Variants in TBX1 observed in about 807,000 individuals in gnomAD.
TBX1 encodes T-box transcription factor 1, also known as T-box transcription factor TBX1.
Under a neutral mutation model 40.8 loss-of-function variants are expected in TBX1, and 16 were observed. That is an observed-to-expected ratio of 0.39 (90% CI 0.27 to 0.60). The LOEUF (loss-of-function observed/expected upper bound fraction) is 0.60, where lower values mean the gene tolerates loss of function less well. Among genes scored for constraint, TBX1 ranks in the 20% least tolerant of loss-of-function variants. The pLI, the probability that TBX1 is intolerant of heterozygous loss-of-function variation, is 0.51. For missense variants in TBX1, 755 were observed against 728.5 expected (o/e 1.04, Z -0.42); for synonymous variants, 403 against 336.8 (o/e 1.20, Z -2.15).
chr22:19,761,227 G>A lies in TBX1; in HGVS notation c.384G>A (p.Leu128=), dbSNP rs762071043. ...GCGTGCAGCTAGAGATGAAGGCGCT[G>A]TGGGACGAGTTCAACCAGCTGGGCA... is the stretch of plus-strand genomic sequence containing the variant. ...GVSVQLEMKA[L]WDEFNQLGTE... Residue 128 remains leucine (L), a synonymous_variant, in exon 1 of 7, where the codon CTG becomes CTA. Transcript: ENST00000649276. The A allele has an allele frequency of 6.4e-7, 1 of 1,572,468 alleles. No individual in the cohort carries two copies. Among genetic ancestry groups the A allele is most frequent in the South Asian group, 1.1e-5 (1 of 88,486 alleles).
chr22:19,782,722 A>G (rs28570330), downstream of TBX1, among the ~76,000 whole-genome samples: 23 of 152,214 alleles, frequency 1.5e-4, no homozygotes, highest in African/African-American at 4.6e-4. Context: ...CTTCCCACCT[A>G]CTGATGGTGT....
chr22:19,765,332 G>T (rs1936796018), intron 4 of TBX1, among the ~76,000 whole-genome samples: 1 of 152,130 alleles, frequency 6.6e-6, no homozygotes, highest in Non-Finnish European at 1.5e-5. Flanking sequence ...CCTCTCCAGC[G>T]GCAACTGTCA....
intron 6 of TBX1, 68 bp downstream of exon 6, chr22:19,766,070 C>G (rs1477774258): frequency 1.5e-6 from 2 of 1,296,418 alleles, no homozygotes; most frequent in Non-Finnish European, 2.0e-6. Flanking sequence ...GGCGGCCTCG[C>G]CCGACCTCGC....
downstream of TBX1, chr22:19,783,085 C>T: frequency 2.5e-6 from 2 of 784,756 alleles, no homozygotes; most frequent in East Asian, 2.4e-5. Context: ...GCTCCAAGCA[C>T]CTGAGTGAAG....
chr22:19,762,419 G>C (rs528122727), intron 1 of TBX1, among the ~76,000 whole-genome samples: 1 of 152,216 alleles, frequency 6.6e-6, no homozygotes, highest in Non-Finnish European at 1.5e-5. Flanking sequence ...CAATCCTTGT[G>C]TTGTCCTGAA....
intron 8 of TBX1, among the ~76,000 whole-genome samples, chr22:19,778,935 A>T (rs558648410): frequency 2.0e-4 from 30 of 152,182 alleles, no homozygotes; most frequent in South Asian, 2.1e-4. Flanking sequence ...AAAATAAATA[A>T]AAGTAGGTAA....
exon 9 of TBX1, chr22:19,779,308 T>C (rs753388756): frequency 6.2e-7 from 1 of 1,614,218 alleles, no homozygotes; most frequent in South Asian, 1.1e-5. Flanking sequence ...GGGATGCAGG[T>C]GGCTGTGTGA....
At chr22:19,769,161 A>G (rs936021905), downstream of TBX1, among the ~76,000 whole-genome samples, 8 of 151,908 alleles carry the variant, frequency 5.3e-5, no homozygotes, top group Admixed American at 1.3e-4. Flanking sequence ...GGGTTTCACC[A>G]TGTTGGCCAG....
At chr22:19,777,473 G>C (rs1198307509) in intron 8 of TBX1, among the ~76,000 whole-genome samples, 2 of 152,116 alleles carry the variant, frequency 1.3e-5, no homozygotes, top group East Asian at 1.9e-4. Flanking sequence ...TTGGACATTT[G>C]GGTTGGTTCC....
At position 19,766,408 on chromosome 22, in the gene TBX1, A is replaced by G; in HGVS notation, c.1056A>G (p.Arg352=). The change falls in exon 7 of 7, where the codon CGA becomes CGG. Residue 352 remains arginine, a synonymous_variant. Coordinates refer to ENST00000649276, the MANE Select transcript of TBX1 (RefSeq NM_001379200.1). ...GTEKDAAEAR[R]EFQRDAGGPA... ...CCGCAGACGCGGCTGAGGCCCGGCG[A>G]GAATTCCAGCGCGACGCGGGCGGGC... is the stretch of plus-strand genomic sequence containing the variant. 1 of 1,342,994 alleles carries G rather than the reference A, an allele frequency of 7.4e-7. No homozygotes were observed. Among genetic ancestry groups the G allele is most frequent in the Non-Finnish European group, 9.6e-7 (1 of 1,046,128 alleles). The allele number at this position is 1,342,994 out of a possible 1,614,324, so 83.2% of individuals were successfully genotyped here.
downstream of TBX1, among the ~76,000 whole-genome samples, chr22:19,772,318 C>G (rs947115769): frequency 4.0e-5 from 6 of 150,124 alleles, no homozygotes; most frequent in African/African-American, 1.2e-4. Context: ...GCCTTTTTTT[C>G]TTTTTGAGAC....
chr22:19,764,251 C>T lies in TBX1; in HGVS notation c.636C>T (p.Gly212=), dbSNP rs779173153. 94 of 1,613,312 alleles carry T rather than the reference C, an allele frequency of 5.8e-5. No homozygotes were observed. The highest frequency in any genetic ancestry group is 4.9e-4 in the Middle Eastern group (3 of 6,084). ...VHYHPDSPAK[G]AQWMKQIVSF... is the part of the protein sequence containing the mutation. ...ACCACCCGGACTCGCCTGCCAAGGGCGCGCAGTGGATGAAGCAAATCGTGT... is the reference window on the plus strand; with the variant it reads ...ACCACCCGGACTCGCCTGCCAAGGGTGCGCAGTGGATGAAGCAAATCGTGT... Residue 212 remains glycine (G), a synonymous_variant, in exon 3 of 7, where the codon GGC becomes GGT. Coordinates refer to ENST00000649276, the MANE Select transcript of TBX1 (RefSeq NM_001379200.1).
rs770305746 is a variant in TBX1 at position 19,765,042 on chromosome 22, G to A, written c.796G>A (p.Glu266Lys). 6 of 1,614,080 alleles carry A rather than the reference G, an allele frequency of 3.7e-6. No homozygotes were observed. In the Admixed American group the frequency reaches 5.0e-5, roughly 13 times the overall value. ...ACGCAAAGATAGCGAGAAATATGCC[G>A]AGGAGAACTTCAAAACCTTTGTGTT... ...DPRKDSEKYAEENFKTFVFEE... is the reference protein window; with the variant it reads ...DPRKDSEKYAKENFKTFVFEE... Residue 266 changes from glutamate (E) to lysine (K), a missense_variant, in exon 4 of 7, where the codon GAG becomes AAG. Glu to Lys is a moderately conservative substitution (Grantham distance 56, BLOSUM62 1). Coordinates refer to ENST00000649276, the MANE Select transcript of TBX1 (RefSeq NM_001379200.1).
At chr22:19,782,797 ACTC>A (rs1249769973), downstream of TBX1, 10 of 1,582,174 alleles carry the variant, frequency 6.3e-6, no homozygotes, top group Non-Finnish European at 8.6e-6. Context: ...GTCTGTGTTC[ACTC>A]TTTCTTGCTA....
chr22:19,778,557 C>T (rs1375829245), intron 8 of TBX1, among the ~76,000 whole-genome samples: 1 of 151,790 alleles, frequency 6.6e-6, no homozygotes, highest in Non-Finnish European at 1.5e-5. Context: ...GCCTCAGCCT[C>T]CCAAATAGCT....
At chr22:19,763,755 C>T (rs41298822) in intron 2 of TBX1, 139 of 393,196 alleles carry the variant, frequency 3.5e-4, no homozygotes, top group African/African-American at 2.5e-3. Context: ...TTATGCAGGG[C>T]GGGCCTCAGC....
At chr22:19,776,529 C>T (rs767273613) in intron 8 of TBX1, among the ~76,000 whole-genome samples, 18 of 152,020 alleles carry the variant, frequency 1.2e-4, no homozygotes, top group Non-Finnish European at 2.1e-4. Flanking sequence ...CAGGGGACCT[C>T]GGGCCACCCC....
chr22:19,774,444 A>G (rs1404175049), intron 8 of TBX1, among the ~76,000 whole-genome samples: 1 of 152,244 alleles, frequency 6.6e-6, no homozygotes, highest in Non-Finnish European at 1.5e-5. Flanking sequence ...ATAGAACCGT[A>G]TGTTCCAGGA....
At chr22:19,780,776 G>GGTTTTTTTTTTTT (rs1555898567), downstream of TBX1, among the ~76,000 whole-genome samples, 2 of 119,104 alleles carry the variant, frequency 1.7e-5, no homozygotes, top group African/African-American at 6.8e-5. Context: ...CTTGTTTTCT[G>GGTTTTTTTTTTTT]TTTTTTTTTT....
Sources: allele counts gnomAD v4.1 joint callset (sites outside exome capture counted in the v4.1 genomes callset), GRCh38; gene constraint gnomAD v4.1.1; transcripts MANE v1.5; gene names NCBI Gene and HGNC (gene_info 2026-07-23, HGNC 2026-07-21).